The following ZC3HAV1 variants were observed in gnomAD, a reference collection of about 807,000 sequenced individuals.
ZC3HAV1 encodes the protein zinc finger CCCH-type containing, antiviral 1.
In ZC3HAV1, 41 loss-of-function variants were observed where a neutral mutation model predicts 86.6. That is an observed-to-expected ratio of 0.47 (90% CI 0.37 to 0.61). ZC3HAV1 has a LOEUF of 0.61. Among genes scored for constraint, ZC3HAV1 ranks in the 20% least tolerant of loss-of-function variants. The pLI is 0.00. For synonymous variants in ZC3HAV1, 421 were observed against 432.1 expected, an observed-to-expected ratio of 0.97 and a Z score of 0.32; for missense variants, 964 against 1,141.1, an observed-to-expected ratio of 0.84 and a Z score of 2.24.
chr7:139,044,328 G>A lies in ZC3HAV1; in HGVS notation c.*3266C>T, dbSNP rs911131514. The A allele has an allele frequency of 1.3e-5, 2 of 152,042 alleles. No individual in the cohort carries two copies. Among genetic ancestry groups the A allele is most frequent in the African/African-American group, 2.4e-5 (1 of 41,456 alleles). The allele number at this position is 152,042 out of a possible 1,614,324, so 9.4% of individuals were successfully genotyped here. On this transcript the variant is annotated 3_prime_UTR_variant, in exon 13 of 13. Coordinates refer to ENST00000242351, the MANE Select transcript of ZC3HAV1 (RefSeq NM_020119.4). ...TGTTTACAGGAAGTAGCCTCTAATC[G>A]GCTCTTAAATCCAAACCTACTCATT...
rs1160868156 is a variant in ZC3HAV1 at position 139,051,074 on chromosome 7, CTTTTTTT to C, written c.2449+2370_2449+2376del. Among the ~76,000 whole-genome samples the C allele has an allele frequency of 2.8e-5, 4 of 143,444 alleles. 1 individual carries two copies. The South Asian group carries it at 8.9e-4, about 32-fold the overall frequency. 94.1% of individuals were successfully genotyped at this position (143,444 alleles called of 152,430 possible). A position where few individuals can be genotyped will look rare whatever the true frequency, so the allele number is the denominator to read the frequency against. Reference sequence around the variant, plus strand: ...GGACCTGTTCCTTTTTTTCTTTTTTCTTTTTTTTTTTTTTGAGACGGAGTCTCGGCTG... The same window carrying C: ...GGACCTGTTCCTTTTTTTCTTTTTTCTTTTTTTGAGACGGAGTCTCGGCTG... On this transcript the variant is annotated intron_variant, in intron 12 of 12. Transcript: ENST00000242351.
intron 7 of ZC3HAV1, among the ~76,000 whole-genome samples, chr7:139,073,446 C>T (rs1446027110): frequency 6.6e-6 from 1 of 151,998 alleles, no homozygotes; most frequent in Admixed American, 6.6e-5. Context: ...CCACGGGTAA[C>T]CATGTAGGCT....
intron 5 of ZC3HAV1, 41 bp from the exon 6 acceptor site, chr7:139,076,450 G>C (rs1478814148): frequency 3.1e-6 from 5 of 1,610,470 alleles, no homozygotes; most frequent in Non-Finnish European, 2.5e-6. Flanking sequence ...TGTTGAGCAG[G>C]GATTCTAACC....
chr7:139,080,171 C>T lies in ZC3HAV1; in HGVS notation c.770G>A (p.Ser257Asn). The T allele has an allele frequency of 6.2e-7, 1 of 1,614,128 alleles. No homozygotes were observed. Among genetic ancestry groups the T allele is most frequent in the Non-Finnish European group, 8.5e-7 (1 of 1,180,034 alleles). The change falls in exon 4 of 13, where the codon AGC becomes AAC. Residue 257 changes from serine to asparagine, a missense_variant. Coordinates refer to ENST00000242351, the MANE Select transcript of ZC3HAV1 (RefSeq NM_020119.4). ...TGAAGCAGACGCAAGAAATTCTTGGCTGCCCTGAAAGAACCGATCTCTACT... is the reference window on the plus strand; with the variant it reads ...TGAAGCAGACGCAAGAAATTCTTGGTTGCCCTGAAAGAACCGATCTCTACT... ...SKSRDRFFQG[S>N]QEFLASASAS...
rs1818039582 is a variant in ZC3HAV1, at chr7:139,109,351, C to T, written c.-20G>A. On this transcript the variant is annotated 5_prime_UTR_variant, in exon 1 of 13. Coordinates refer to ENST00000242351, the MANE Select transcript of ZC3HAV1 (RefSeq NM_020119.4). ...CGCCATGGCGCGCTGGCTGTGCTGG[C>T]TCTGCCGCGGCGCGGGACTCGGTTC... is the stretch of plus-strand genomic sequence containing the variant. 1.3e-6 allele frequency: 2 copies of T among 1,549,626 alleles called. No individual in the cohort carries two copies. Among genetic ancestry groups the T allele is most frequent in the Admixed American group, 3.8e-5 (2 of 52,766 alleles).
intron 1 of ZC3HAV1, among the ~76,000 whole-genome samples, chr7:139,095,687 C>G (rs947056810): frequency 1.3e-5 from 2 of 152,204 alleles, no homozygotes; most frequent in African/African-American, 4.8e-5. Context: ...GTGGGACAAA[C>G]AGCACCGGTG....
chr7:139,068,888 C>T (rs748750031), intron 7 of ZC3HAV1, among the ~76,000 whole-genome samples: 55 of 152,296 alleles, frequency 3.6e-4, no homozygotes, highest in East Asian at 1.7e-3. Flanking sequence ...AACAGGACAG[C>T]GGGAGCATGC....
At chr7:139,070,679 A>C (rs923530031) in intron 7 of ZC3HAV1, among the ~76,000 whole-genome samples, 1 of 148,454 alleles carries the variant, frequency 6.7e-6, no homozygotes, top group Non-Finnish European at 1.5e-5. Context: ...AAAAAAAAAA[A>C]AAAACCTCAG....
chr7:139,084,259 TA>T (rs1198072017), intron 2 of ZC3HAV1, among the ~76,000 whole-genome samples: 1 of 152,184 alleles, frequency 6.6e-6, no homozygotes, highest in Non-Finnish European at 1.5e-5. Context: ...ATCAATTTGA[TA>T]ACCCTTGGAA....
chr7:139,092,447 G>A (rs1340977325), intron 1 of ZC3HAV1, among the ~76,000 whole-genome samples: 2 of 152,174 alleles, frequency 1.3e-5, no homozygotes, highest in Middle Eastern at 3.2e-3. Flanking sequence ...TAGTCAGAAG[G>A]AATTAAGAAT....
Position 139,077,647 on chromosome 7 carries a change from G to A in ZC3HAV1, c.1573+905C>T, listed in dbSNP as rs554430415. ...CCCTTACATATTTGGCACAGGGCTA[G>A]GCATACAAAAGACAGCCATTGCAGG... is the stretch of plus-strand genomic sequence containing the variant. On this transcript the variant is annotated intron_variant, in intron 5 of 12. Transcript: ENST00000242351. 6.6e-5 allele frequency among the ~76,000 whole-genome samples: 10 copies of A among 152,342 alleles called. No individual in the cohort carries two copies. The South Asian group carries it at 1.7e-3, about 25-fold the overall frequency.
intron 12 of ZC3HAV1, among the ~76,000 whole-genome samples, chr7:139,048,972 T>C (rs1816040262): frequency 6.6e-6 from 1 of 150,458 alleles, no homozygotes; most frequent in South Asian, 2.1e-4. Context: ...CACCTGTTTC[T>C]ATGCATTCAC....
chr7:139,078,796 C>T, intron 4 of ZC3HAV1, 143 bp from the exon 5 acceptor site: 1 of 721,870 alleles, frequency 1.4e-6, no homozygotes, highest in Non-Finnish European at 2.2e-6. Context: ...TGCCCATGAG[C>T]ATCTAGACAG....
intron 1 of ZC3HAV1, among the ~76,000 whole-genome samples, chr7:139,094,888 T>C (rs1389630118): frequency 8.5e-5 from 13 of 152,150 alleles, no homozygotes; most frequent in Non-Finnish European, 1.6e-4. Flanking sequence ...GAACTGGATG[T>C]TCACCTCGGA....
intron 1 of ZC3HAV1, among the ~76,000 whole-genome samples, chr7:139,101,507 A>T (rs1482460755): frequency 1.9e-5 from 2 of 103,672 alleles, no homozygotes; most frequent in African/African-American, 3.9e-5. Flanking sequence ...CCCGTCTGGG[A>T]GGTGTACCCA....
intron 1 of ZC3HAV1, among the ~76,000 whole-genome samples, chr7:139,092,512 C>G (rs1291661999): frequency 2.0e-5 from 3 of 152,362 alleles, no homozygotes; most frequent in African/African-American, 7.2e-5. Flanking sequence ...GCCAAGCCTA[C>G]GGCACCTCTG....
rs1297521594 is a variant in ZC3HAV1, at chr7:139,053,363, A to T, written c.2449+88T>A. The T allele has an allele frequency of 3.5e-6, 5 of 1,436,562 alleles. No individual in the cohort carries two copies. The African/African-American group carries it at 7.2e-5, about 21-fold the overall frequency. 89.0% of individuals were successfully genotyped at this position (1,436,562 alleles called of 1,614,324 possible). On this transcript the variant is annotated intron_variant, in intron 12 of 12. Coordinates refer to ENST00000242351, the MANE Select transcript of ZC3HAV1 (RefSeq NM_020119.4). Reference sequence around the variant, plus strand: ...AGAGCCTGGACACTCTGGTTAATACAAAATAATTACATATACCTCCTAATA... The same window carrying T: ...AGAGCCTGGACACTCTGGTTAATACTAAATAATTACATATACCTCCTAATA...
At chr7:139,050,906 C>T (rs753308229) in intron 12 of ZC3HAV1, among the ~76,000 whole-genome samples, 2 of 152,222 alleles carry the variant, frequency 1.3e-5, no homozygotes, top group East Asian at 1.9e-4. Flanking sequence ...GTTTCCCATG[C>T]GCTTACAGTC....
rs979145140 is a variant in ZC3HAV1 at position 139,108,625 on chromosome 7, G to C, written c.308+399C>G. Among the ~76,000 whole-genome samples the C allele has an allele frequency of 6.6e-6, 1 of 152,190 alleles. No individual in the cohort carries two copies. The highest frequency in any genetic ancestry group is 1.5e-5 in the Non-Finnish European group (1 of 68,022). ...TCTAGGGAAGGAGGTAGTAGGGAGG[G>C]AAAGACTCAAGATACCAAAGACGGG... On this transcript the variant is annotated intron_variant, in intron 1 of 12. Transcript: ENST00000242351. This position sits in a 1 kb window ranked among gnomAD's most constrained non-coding sequence, Gnocchi z 4.2.
Sources: allele counts gnomAD v4.1 joint callset (sites outside exome capture counted in the v4.1 genomes callset), GRCh38; gene constraint gnomAD v4.1.1; non-coding constraint Gnocchi (gnomAD v3.1); transcripts MANE v1.5; gene names NCBI Gene and HGNC (gene_info 2026-07-23, HGNC 2026-07-21).